Variants in OGFR observed in about 807,000 individuals in gnomAD.
OGFR encodes the protein opioid growth factor receptor.
OGFR carries 18 observed loss-of-function variants against 33.6 expected under a neutral mutation model. That is an observed-to-expected ratio of 0.54 (90% CI 0.37 to 0.80). OGFR has a LOEUF of 0.80. Ranked by LOEUF, OGFR falls within the 30% of genes least tolerant of loss-of-function variation. The pLI is 0.00. For synonymous variants in OGFR, 370 were observed against 400.7 expected (o/e 0.92, Z 0.91); for missense variants, 877 against 955.8 (o/e 0.92, Z 1.09).
rs770255221 is a variant in OGFR, at chr20:62,812,699, CA to C, written c.1085del (p.Gln362ArgfsTer16). 1.9e-6 allele frequency: 3 copies of C among 1,579,358 alleles called. No homozygotes were observed. The highest frequency in any genetic ancestry group is 2.3e-5 in the South Asian group (2 of 87,578). ...GGATGCGGGACCCCTGGAGAGGAGC[CA>C]GGGGGATGAGGCAGGGGGCCACGGG... ...PQDAGPLERS[Q>X]GDEAGGHGED... is the part of the protein sequence containing the mutation. On this transcript the variant is annotated frameshift_variant, in exon 7 of 7. Transcript: ENST00000290291. LOFTEE classifies it low-confidence loss of function (END_TRUNC).
At chr20:62,809,292 CGAG>C (rs1438332476) in intron 3 of OGFR, among the ~76,000 whole-genome samples, 1 of 152,128 alleles carries the variant, frequency 6.6e-6, no homozygotes, top group Non-Finnish European at 1.5e-5. Flanking sequence ...AGGTCCTGGT[CGAG>C]GACCAGTGGT....
intron 3 of OGFR, among the ~76,000 whole-genome samples, chr20:62,809,345 C>T (rs1181081931): frequency 1.3e-5 from 2 of 152,216 alleles, no homozygotes; most frequent in Admixed American, 6.5e-5. Context: ...TGGGGTTTGC[C>T]GCCAGCCAGC....
chr20:62,812,657 C>T lies in OGFR; in HGVS notation c.1042C>T (p.Arg348Trp), dbSNP rs182552599. The change falls in exon 7 of 7, where the codon CGG becomes TGG. Residue 348 changes from arginine to tryptophan, a missense_variant. By Grantham distance (101) the Arg-to-Trp change is moderately radical. Transcript: ENST00000290291. ...GGRVDEGPQP[R>W]SVEPQDAGPL... ...CAGGGTGGACGAGGGGCCCCAGCCACGGAGCGTGGAGCCCCAGGATGCGGG... is the reference window on the plus strand; with the variant it reads ...CAGGGTGGACGAGGGGCCCCAGCCATGGAGCGTGGAGCCCCAGGATGCGGG... 35 of 1,563,384 alleles carry T rather than the reference C, an allele frequency of 2.2e-5. No homozygotes were observed. Among genetic ancestry groups the T allele is most frequent in the Middle Eastern group, 3.3e-4 (2 of 5,982 alleles).
Position 62,807,723 on chromosome 20 carries a change from C to T in OGFR, c.240+118C>T, listed in dbSNP as rs570745721. 9.0e-5 allele frequency: 92 copies of T among 1,018,138 alleles called. 1 individual carries two copies. The East Asian group carries it at 2.3e-3, about 25-fold the overall frequency. 63.1% of individuals were successfully genotyped at this position (1,018,138 alleles called of 1,614,324 possible). On this transcript the variant is annotated intron_variant, in intron 2 of 6. Coordinates refer to ENST00000290291, the MANE Select transcript of OGFR (RefSeq NM_007346.4). Reference sequence around the variant, plus strand: ...GGCTTGCTGTGCCAGGGCCACAGTTCTGGGCAGGACCCTGCCTGGGGCACA... The same window carrying T: ...GGCTTGCTGTGCCAGGGCCACAGTTTTGGGCAGGACCCTGCCTGGGGCACA...
At chr20:62,810,919 TAGAG>T (rs1990714676) in intron 5 of OGFR, among the ~76,000 whole-genome samples, 1 of 152,196 alleles carries the variant, frequency 6.6e-6, no homozygotes, top group African/African-American at 2.4e-5. Flanking sequence ...TGCAGGGACT[TAGAG>T]AGCCGAGGGG....
In OGFR at chr20:62,804,948, C is replaced by A; in HGVS notation, c.89C>A (p.Ala30Asp). The change falls in exon 1 of 7, where the codon GCC becomes GAC. Residue 30 changes from alanine (A) to aspartate (D), a missense_variant. Physicochemically the swap from Ala to Asp is moderately radical, Grantham distance 126. Transcript: ENST00000290291. ...AEDEDCEDGE[A>D]AGARDADAGD... is the part of the protein sequence containing the mutation. ...GACGAGGACTGCGAGGACGGCGAGGCCGCCGGCGCGAGGGACGCGGACGCA... is the reference window on the plus strand; with the variant it reads ...GACGAGGACTGCGAGGACGGCGAGGACGCCGGCGCGAGGGACGCGGACGCA... 6.7e-7 allele frequency: 1 copy of A among 1,491,738 alleles called. No individual in the cohort carries two copies. 92.4% of individuals were successfully genotyped at this position (1,491,738 alleles called of 1,614,324 possible).
intron 6 of OGFR, 103 bp downstream of exon 6, chr20:62,811,713 G>T: frequency 7.6e-7 from 1 of 1,321,074 alleles, no homozygotes; most frequent in Non-Finnish European, 1.0e-6. Flanking sequence ...AGAACTCCAG[G>T]GCTGTTTGGG....
At chr20:62,807,262 A>G in intron 1 of OGFR, 2 of 515,054 alleles carry the variant, frequency 3.9e-6, no homozygotes, top group Middle Eastern at 5.2e-4. Flanking sequence ...AGGAGTCCCA[A>G]AGGGGCCTAG....
chr20:62,808,308 T>C lies in OGFR; in HGVS notation c.302T>C (p.Ile101Thr), dbSNP rs1301423853. 11 of 1,613,058 alleles carry C rather than the reference T, an allele frequency of 6.8e-6. No homozygotes were observed. The highest frequency in any genetic ancestry group is 3.3e-5 in the South Asian group (3 of 91,090). Residue 101 changes from isoleucine (I) to threonine (T), a missense_variant, in exon 3 of 7, where the codon ATC becomes ACC. Transcript: ENST00000290291. ...TPNLSFYRNE[I>T]RFLPNGCFIE... is the part of the protein sequence containing the mutation. ...AACCTGAGTTTCTACAGAAATGAGA[T>C]CCGCTTCCTGCCCAACGGTAGGTGC...
chr20:62,808,640 G>A (rs920854795), intron 3 of OGFR, among the ~76,000 whole-genome samples: 3 of 152,118 alleles, frequency 2.0e-5, no homozygotes, highest in Non-Finnish European at 2.9e-5. Context: ...GTAAACCAAC[G>A]AGCTAAGGAT....
chr20:62,805,157 AC>A (rs376920444), intron 1 of OGFR, 127 bp downstream of exon 1: 2,898 of 583,370 alleles, frequency 5.0e-3, no homozygotes, highest in Middle Eastern at 6.8e-3. Context: ...AGCCCCGGGG[AC>A]CCCCCCCCAG....
rs774076996 is a variant in OGFR, at chr20:62,812,800, G to C, written c.1185G>C (p.Pro395=). The part of the protein sequence containing the change: ...RKLELSRREQ[P]PTEPGPQSAS... The stretch of plus-strand genomic sequence containing the variant: ...TGGAGCTGAGCCGGCGGGAGCAGCC[G>C]CCCACAGAGCCAGGCCCTCAGAGTG... The change falls in exon 7 of 7, where the codon CCG becomes CCC. Residue 395 remains proline, a synonymous_variant. Coordinates refer to ENST00000290291, the MANE Select transcript of OGFR (RefSeq NM_007346.4). The C allele has an allele frequency of 1.9e-6, 3 of 1,612,616 alleles. No homozygotes were observed. The highest frequency in any genetic ancestry group is 2.5e-6 in the Non-Finnish European group (3 of 1,179,854).
Position 62,813,492 on chromosome 20 carries a change from C to A in OGFR, c.1877C>A (p.Pro626Gln). 7.0e-7 allele frequency: 1 copy of A among 1,422,790 alleles called. No individual in the cohort carries two copies. Among genetic ancestry groups the A allele is most frequent in the Non-Finnish European group, 9.4e-7 (1 of 1,058,976 alleles). The allele number at this position is 1,422,790 out of a possible 1,614,324, so 88.1% of individuals were successfully genotyped here. The change falls in exon 7 of 7, where the codon CCG becomes CAG. Residue 626 changes from proline (P) to glutamine (Q), a missense_variant. By Grantham distance (76) the Pro-to-Gln change is moderately conservative. Transcript: ENST00000290291. Reference protein sequence around the residue: ...ESPSETPGPRPAGPAGDEPAE... With the variant: ...ESPSETPGPRQAGPAGDEPAE... ...CCATCGGAGACCCCAGGCCCCCGCC[C>A]GGCAGGACCTGCAGGGGACGAGCCA...
rs202064940 is a variant in OGFR, at chr20:62,813,391, T to G, written c.1776T>G (p.Asp592Glu). The G allele has an allele frequency of 2.7e-6, 4 of 1,465,946 alleles. No individual in the cohort carries two copies. In the South Asian group the frequency reaches 4.8e-5, roughly 17 times the overall value. 90.8% of individuals were successfully genotyped at this position (1,465,946 alleles called of 1,614,324 possible). A position where few individuals can be genotyped will look rare whatever the true frequency, so the allele number is the denominator to read the frequency against. Residue 592 changes from aspartate to glutamate, a missense_variant, in exon 7 of 7, where the codon GAT becomes GAG. Physicochemically the swap from Asp to Glu is conservative, Grantham distance 45. This residue lies in a region of OGFR where 72 missense variants were observed against 181.8 expected (regional missense o/e 0.40). Coordinates refer to ENST00000290291, the MANE Select transcript of OGFR (RefSeq NM_007346.4). ...PGPSPAGPTR[D>E]EPAESPSETP... ...CCAGCCCGGCAGGACCTACAAGGGA[T>G]GAGCCAGCCGAGAGCCCATCGGAGA...
chr20:62,813,586 G>C lies in OGFR; in HGVS notation c.1971G>C (p.Ala657=), dbSNP rs146902893. ...AGPTRDEPAK[A]GEAAELQDAE... is the part of the protein sequence containing the mutation. Reference sequence around the variant, plus strand: ...CTACAAGGGATGAGCCAGCCAAGGCGGGGGAGGCAGCAGAGTTGCAGGACG... The same window carrying C: ...CTACAAGGGATGAGCCAGCCAAGGCCGGGGAGGCAGCAGAGTTGCAGGACG... Residue 657 remains alanine, a synonymous_variant, in exon 7 of 7, where the codon GCG becomes GCC. Transcript: ENST00000290291. 11 of 1,612,728 alleles carry C rather than the reference G, an allele frequency of 6.8e-6. No individual in the cohort carries two copies. Among genetic ancestry groups the C allele is most frequent in the Middle Eastern group, 1.6e-4 (1 of 6,084 alleles).
Position 62,807,912 on chromosome 20 carries a change from C to T in OGFR, c.240+307C>T, listed in dbSNP as rs192568918. The T allele has an allele frequency of 3.2e-5, 19 of 599,442 alleles. No homozygotes were observed. The Middle Eastern group carries it at 3.1e-3, about 98-fold the overall frequency. 37.1% of individuals were successfully genotyped at this position (599,442 alleles called of 1,614,324 possible). ...CCGTGATACCGCCCACACAGCACCC[C>T]ACCCCCATGCCAGCCCTGTCTCCTG... On this transcript the variant is annotated intron_variant, in intron 2 of 6. Coordinates refer to ENST00000290291, the MANE Select transcript of OGFR (RefSeq NM_007346.4).
In OGFR at chr20:62,812,570, C is replaced by G; in HGVS notation, c.955C>G (p.Pro319Ala). ...GGAGGAGGAAGGAAGCCCCGGGGAC[C>G]CCGACCACGAGGCCAGCACCCAGGG... ...KVEEEGSPGD[P>A]DHEASTQGRT... Residue 319 changes from proline to alanine, a missense_variant, in exon 7 of 7, where the codon CCC (proline) becomes GCC (alanine). Pro to Ala is a conservative substitution (Grantham distance 27, BLOSUM62 -1). Transcript: ENST00000290291. The G allele has an allele frequency of 6.3e-7, 1 of 1,578,520 alleles. No individual in the cohort carries two copies. The highest frequency in any genetic ancestry group is 8.6e-7 in the Non-Finnish European group (1 of 1,162,552).
rs141833389 is a variant in OGFR, at chr20:62,813,521, G to A, written c.1906G>A (p.Glu636Lys). Residue 636 changes from glutamate (E) to lysine (K), a missense_variant, in exon 7 of 7, where the codon GAG (glutamate) becomes AAG (lysine). Around this residue, in one of 3 missense-constraint regions of OGFR, gnomAD observed 72 missense variants for 181.8 expected, o/e 0.40. Transcript: ENST00000290291. ...PAGPAGDEPA[E>K]SPSETPGPSP... ...AGGACCTGCAGGGGACGAGCCAGCC[G>A]AGAGCCCATCGGAGACCCCAGGCCC... The A allele has an allele frequency of 2.5e-4, 387 of 1,554,322 alleles. 1 individual carries two copies. The highest frequency in any genetic ancestry group is 1.9e-3 in the Middle Eastern group (11 of 5,684).
Position 62,804,987 on chromosome 20 carries a change from A to G in OGFR, c.128A>G (p.Glu43Gly), listed in dbSNP as rs1328548667. Residue 43 changes from glutamate (E) to glycine (G), a missense_variant, in exon 1 of 7, where the codon GAG (glutamate) becomes GGG (glycine). Glu to Gly is a moderately conservative substitution (Grantham distance 98). Around this residue, in one of 3 missense-constraint regions of OGFR, gnomAD observed 760 missense variants for 736.0 expected, o/e 1.03. Transcript: ENST00000290291. The stretch of plus-strand genomic sequence containing the variant: ...GACGCGGACGCAGGGGACGAGGACG[A>G]GGAGTCGGAGGAGCCGCGGGCGGCG... ...ARDADAGDED[E>G]ESEEPRAARP... The G allele has an allele frequency of 6.8e-7, 1 of 1,475,696 alleles. No individual in the cohort carries two copies. The highest frequency in any genetic ancestry group is 9.0e-7 in the Non-Finnish European group (1 of 1,115,522). 91.4% of individuals were successfully genotyped at this position (1,475,696 alleles called of 1,614,324 possible). A position where few individuals can be genotyped will look rare whatever the true frequency, so the allele number is the denominator to read the frequency against.
Sources: allele counts gnomAD v4.1 joint callset (sites outside exome capture counted in the v4.1 genomes callset), GRCh38; gene constraint gnomAD v4.1.1; regional missense constraint gnomAD v4.1.1; transcripts MANE v1.5; gene names NCBI Gene and HGNC (gene_info 2026-07-23, HGNC 2026-07-21).